POTEE: variants seen among roughly 807,000 people sequenced by gnomAD.
The protein encoded by POTEE is POTE ankyrin domain family member E, also known as ANKRD26-like family C member 1A.
In POTEE, 21 loss-of-function variants were observed where a neutral mutation model predicts 74.2. The observed-to-expected ratio is 0.28, with a 90% CI of 0.20 to 0.41. The LOEUF is 0.41. Ranked by LOEUF, POTEE falls within the 10% of genes least tolerant of loss-of-function variation. The pLI is 1.00. For missense variants in POTEE, 525 were observed against 1,158.6 expected (o/e 0.45, Z 7.94); for synonymous variants, 211 against 432.8 (o/e 0.49, Z 6.36).
chr2:131,232,740 T>C (rs1701003137), intron 9 of POTEE, among the ~76,000 whole-genome samples: 1 of 151,414 alleles, frequency 6.6e-6, no homozygotes, highest in South Asian at 2.1e-4. Flanking sequence ...AGGATCCCAC[T>C]TTTCCCTCTT....
chr2:131,239,703 AG>A (rs1701224141), intron 12 of POTEE, among the ~76,000 whole-genome samples: 1 of 103,630 alleles, frequency 9.6e-6, no homozygotes, highest in Non-Finnish European at 2.0e-5. Flanking sequence ...TTTTAGTTTC[AG>A]GGGTACATGT....
chr2:131,217,671 A>AT lies in POTEE; in HGVS notation c.-106_-105insT, dbSNP rs1241088146. The stretch of plus-strand genomic sequence containing the variant: ...GGCTGTCAGTGACATTCGTGGCGCC[A>AT]AGACTTAAGCAGGCGCGTTGCATGC... On this transcript the variant is annotated 5_prime_UTR_variant, in exon 3 of 18. Transcript: ENST00000683005. 6.7e-6 allele frequency among the ~76,000 whole-genome samples: 1 copy of AT among 148,426 alleles called. No homozygotes were observed. Among genetic ancestry groups the AT allele is most frequent in the African/African-American group, 2.5e-5 (1 of 40,204 alleles).
chr2:131,226,500 A>G (rs1316129083), intron 6 of POTEE, among the ~76,000 whole-genome samples: 1 of 139,506 alleles, frequency 7.2e-6, no homozygotes, highest in African/African-American at 2.8e-5. Context: ...GCCCTCAAGA[A>G]GCTTTTTGTT....
chr2:131,230,223 T>G lies in POTEE; in HGVS notation c.1056-613T>G, dbSNP rs570693351. Among the ~76,000 whole-genome samples the G allele has an allele frequency of 4.1e-3, 623 of 152,286 alleles. 8 individuals carry two copies. Among genetic ancestry groups the G allele is most frequent in the African/African-American group, 0.014 (562 of 41,550 alleles). On this transcript the variant is annotated intron_variant, in intron 8 of 17. Transcript: ENST00000683005. Reference sequence around the variant, plus strand: ...GACATAGTTGAGATGCCCTGAATTATAAGCCATAAAGAGTAGGACAACTAA... The same window carrying G: ...GACATAGTTGAGATGCCCTGAATTAGAAGCCATAAAGAGTAGGACAACTAA...
chr2:131,237,932 T>C (rs1415256813), intron 10 of POTEE, among the ~76,000 whole-genome samples: 3 of 152,282 alleles, frequency 2.0e-5, no homozygotes, highest in African/African-American at 7.2e-5. Flanking sequence ...TTTTTTTTCT[T>C]CCTTGGGCTA....
At chr2:131,223,456 G>C (rs1700685856) in intron 4 of POTEE, 140 bp from the exon 5 acceptor site, 1 of 888,592 alleles carries the variant, frequency 1.1e-6, no homozygotes, top group Non-Finnish European at 1.7e-6. Context: ...TAAATAGTGT[G>C]CTTTTTTCAT....
At chr2:131,263,243 C>G (rs1701769562) in intron 17 of POTEE, 112 bp from the exon 18 acceptor site, 1 of 1,358,518 alleles carries the variant, frequency 7.4e-7, no homozygotes, top group African/African-American at 1.5e-5. Context: ...AGTTAAATAT[C>G]CACTATGGGG....
At position 131,226,908 on chromosome 2, in the gene POTEE, A is replaced by C; in HGVS notation, c.896A>C (p.Asn299Thr). ...TTAATCAAGAAAAAAGCGAATTTAA[A>C]TGCACTGGATAGATATGGAAGGTAT... ...KFLIKKKANL[N>T]ALDRYGRTAL... The change falls in exon 7 of 18, where the codon AAT becomes ACT. Residue 299 changes from asparagine to threonine, a missense_variant. Physicochemically the swap from Asn to Thr is moderately conservative, Grantham distance 65. Transcript: ENST00000683005. 4 of 1,611,726 alleles carry C rather than the reference A, an allele frequency of 2.5e-6. No homozygotes were observed. Among genetic ancestry groups the C allele is most frequent in the Non-Finnish European group, 2.5e-6 (3 of 1,179,630 alleles).
At chr2:131,210,366 A>G (rs368627386) in intron 1 of POTEE, among the ~76,000 whole-genome samples, 1,657 of 117,732 alleles carry the variant, frequency 0.014, 12 homozygotes, top group South Asian at 0.028. Context: ...ACTGCCTGCA[A>G]CTGGCACAGG....
intron 13 of POTEE, among the ~76,000 whole-genome samples, chr2:131,246,731 TTTA>T (rs1190571036): frequency 2.9e-5 from 1 of 34,366 alleles, no homozygotes; most frequent in African/African-American, 1.1e-4. Context: ...CATTGTCATT[TTTA>T]TTATTTTGCT....
chr2:131,210,353 T>TAG (rs1435900668), intron 1 of POTEE, among the ~76,000 whole-genome samples: 1 of 146,064 alleles, frequency 6.8e-6, no homozygotes, highest in African/African-American at 2.6e-5. Flanking sequence ...GTATTGGGGT[T>TAG]ACACTGCCTG....
At chr2:131,235,714 C>T (rs1441874264) in intron 9 of POTEE, among the ~76,000 whole-genome samples, 4 of 147,568 alleles carry the variant, frequency 2.7e-5, no homozygotes, top group Non-Finnish European at 5.9e-5. Flanking sequence ...ATCGCTTGAA[C>T]CAGGGAGTGT....
intron 4 of POTEE, among the ~76,000 whole-genome samples, chr2:131,220,851 C>T (rs906565103): frequency 3.3e-5 from 5 of 151,178 alleles, no homozygotes; most frequent in African/African-American, 4.9e-5. Flanking sequence ...ATCCCAGCTA[C>T]TCAGGAGGCT....
chr2:131,262,044 A>G (rs1360992801), intron 17 of POTEE, among the ~76,000 whole-genome samples, 198 bp downstream of exon 17: 15 of 118,860 alleles, frequency 1.3e-4, no homozygotes, highest in African/African-American at 3.1e-4. Flanking sequence ...ACAGTTGAGT[A>G]GTGACCTGCA....
chr2:131,220,429 C>T (rs191472842), intron 4 of POTEE, among the ~76,000 whole-genome samples: 1,740 of 152,166 alleles, frequency 0.011, 31 homozygotes, highest in African/African-American at 0.039. Context: ...AGGTCTTGAA[C>T]TCCTGTCCTC....
Position 131,226,903 on chromosome 2 carries a change from T to G in POTEE, c.891T>G (p.Asn297Lys), listed in dbSNP as rs1383914402. Reference protein sequence around the residue: ...VVKFLIKKKANLNALDRYGRT... With the variant: ...VVKFLIKKKAKLNALDRYGRT... ...AATTTTTAATCAAGAAAAAAGCGAA[T>G]TTAAATGCACTGGATAGATATGGAA... The change falls in exon 7 of 18, where the codon AAT becomes AAG. Residue 297 changes from asparagine to lysine, a missense_variant. Transcript: ENST00000683005. 1 of 1,611,646 alleles carries G rather than the reference T, an allele frequency of 6.2e-7. No individual in the cohort carries two copies. Among genetic ancestry groups the G allele is most frequent in the Non-Finnish European group, 8.5e-7 (1 of 1,179,670 alleles).
chr2:131,212,667 C>A (rs1290046206), intron 2 of POTEE, among the ~76,000 whole-genome samples: 3 of 149,122 alleles, frequency 2.0e-5, no homozygotes, highest in African/African-American at 7.5e-5. Flanking sequence ...TGGGTTCAAG[C>A]AAGTCTCCTG....
intron 16 of POTEE, among the ~76,000 whole-genome samples, chr2:131,258,635 TTGAC>T (rs1304263242): frequency 1.6e-4 from 25 of 151,882 alleles, no homozygotes; most frequent in African/African-American, 5.8e-4. Context: ...TTTCTATATT[TTGAC>T]TGAATAGGTT....
In POTEE at chr2:131,218,970, G is replaced by A. The variant is rs1166739655; in HGVS notation, c.521+47G>A. 6.8e-6 allele frequency: 11 copies of A among 1,609,402 alleles called. 1 individual carries two copies. The highest frequency in any genetic ancestry group is 1.3e-5 in the African/African-American group (1 of 74,736). ...GGAGGTGGGACGTGGGGGGATGATG[G>A]GGACATACCCTCCTGGCGGGGGAGG... On this transcript the variant is annotated intron_variant, in intron 4 of 17. Coordinates refer to ENST00000683005, the MANE Select transcript of POTEE (RefSeq NM_001083538.3).
Sources: gnomAD v4.1 joint callset for allele counts (sites outside exome capture counted in the v4.1 genomes callset) on GRCh38, gnomAD v4.1.1 for gene constraint, MANE v1.5 for transcripts, NCBI Gene and HGNC (gene_info 2026-07-23, HGNC 2026-07-21) for gene names.